MTMR3: variants seen among roughly 807,000 people sequenced by gnomAD.
MTMR3 encodes the protein myotubularin related protein 3, also known as phosphatidylinositol-3,5-bisphosphate 3-phosphatase MTMR3.
MTMR3 carries 32 observed loss-of-function variants against 132.4 expected under a neutral mutation model. That is an observed-to-expected ratio of 0.24 (90% CI 0.18 to 0.32). MTMR3 has a LOEUF of 0.32. Ranked by LOEUF, MTMR3 falls within the 10% of genes least tolerant of loss-of-function variation. The pLI is 1.00. For missense variants in MTMR3, 1,216 were observed against 1,489.6 expected (o/e 0.82, Z 3.02); for synonymous variants, 556 against 550.3 (o/e 1.01, Z -0.14).
intron 2 of MTMR3, among the ~76,000 whole-genome samples, chr22:29,968,931 C>A (rs1056094077): frequency 1.5e-4 from 23 of 152,174 alleles, no homozygotes; most frequent in Non-Finnish European, 1.5e-5. Context: ...TCTTCCTCAT[C>A]CTTCCAGCCT....
At chr22:29,889,909 T>TC (rs2064760883) in intron 1 of MTMR3, among the ~76,000 whole-genome samples, 2 of 145,450 alleles carry the variant, frequency 1.4e-5, no homozygotes, top group Admixed American at 1.4e-4. Flanking sequence ...GATAAATTCT[T>TC]TTTTTTTTTT....
At chr22:29,902,489 C>T (rs950875984) in intron 1 of MTMR3, among the ~76,000 whole-genome samples, 4 of 150,780 alleles carry the variant, frequency 2.7e-5, no homozygotes, top group Non-Finnish European at 5.9e-5. Flanking sequence ...GTCTCAGCCT[C>T]CTGAGTACCT....
intron 17 of MTMR3, 134 bp downstream of exon 17, chr22:30,021,018 A>G (rs949220482): frequency 2.2e-6 from 2 of 920,198 alleles, no homozygotes; most frequent in Non-Finnish European, 3.2e-6. Flanking sequence ...AGCCCTGTTA[A>G]GAGAGGCTGG....
intron 10 of MTMR3, 182 bp downstream of exon 10, chr22:30,007,501 C>T (rs1241896845): frequency 3.1e-6 from 2 of 653,638 alleles, no homozygotes; most frequent in Non-Finnish European, 5.2e-6. Context: ...CCCTTTGTTT[C>T]AAACCTGAAT....
intron 17 of MTMR3, 177 bp downstream of exon 17, chr22:30,021,061 C>T (rs1380097301): frequency 3.0e-6 from 2 of 662,228 alleles, no homozygotes; most frequent in African/African-American, 3.6e-5. Context: ...TGGCAGCCTG[C>T]CTGTTTTCTG....
intron 5 of MTMR3, chr22:29,983,959 T>G (rs926318870): frequency 2.0e-5 from 3 of 151,230 alleles, no homozygotes; most frequent in Non-Finnish European, 4.4e-5. Context: ...TTATTTTTAT[T>G]TTATTATATT....
chr22:29,985,752 A>T (rs948672098), intron 5 of MTMR3: 2 of 152,182 alleles, frequency 1.3e-5, no homozygotes, highest in Admixed American at 6.5e-5. Flanking sequence ...GGTGTCTGCA[A>T]TCTGATTTCA....
intron 19 of MTMR3, chr22:30,024,892 T>TG (rs1316696713): frequency 6.5e-6 from 1 of 152,764 alleles, no homozygotes; most frequent in African/African-American, 2.4e-5. Context: ...GAGGGATGCC[T>TG]GGGGCCTGAG....
At chr22:30,021,106 C>T (rs1232404225) in intron 17 of MTMR3, 8 of 574,904 alleles carry the variant, frequency 1.4e-5, no homozygotes, top group African/African-American at 5.6e-5. Context: ...CTGTTGAGGC[C>T]GTTGGAGAGG....
rs149742798 is a variant in MTMR3 at position 29,938,169 on chromosome 22, A to G, written c.-137-18867A>G. Among the ~76,000 whole-genome samples, 38 of 152,270 alleles carry G rather than the reference A, an allele frequency of 2.5e-4. No homozygotes were observed. In the East Asian group the frequency reaches 6.4e-3, roughly 25 times the overall value. On this transcript the variant is annotated intron_variant, in intron 1 of 19. Coordinates refer to ENST00000401950, the MANE Select transcript of MTMR3 (RefSeq NM_021090.4). ...GCACCATGCAGTTCCAGGAACACCC[A>G]TATTTGGTGTAGAAATGGGTGGCAC...
intron 1 of MTMR3, among the ~76,000 whole-genome samples, chr22:29,917,408 G>T (rs1028298252): frequency 1.3e-5 from 2 of 152,204 alleles, no homozygotes; most frequent in African/African-American, 4.8e-5. Flanking sequence ...GGCAGGCTGA[G>T]GTGGGAGTAT....
chr22:29,914,042 G>A (rs1302279656), intron 1 of MTMR3, among the ~76,000 whole-genome samples: 2 of 152,104 alleles, frequency 1.3e-5, no homozygotes, highest in East Asian at 3.9e-4. Flanking sequence ...GAGCCACCAC[G>A]CCCGGCCCAG....
chr22:29,959,660 T>C (rs774756893), intron 2 of MTMR3, among the ~76,000 whole-genome samples: 4 of 152,186 alleles, frequency 2.6e-5, no homozygotes, highest in Admixed American at 6.6e-5. Context: ...ATTACAGATG[T>C]GTGCCACTGT....
chr22:29,908,434 A>C (rs1477117871), intron 1 of MTMR3, among the ~76,000 whole-genome samples: 1 of 152,214 alleles, frequency 6.6e-6, no homozygotes. Context: ...TGCACACTTT[A>C]GGAGTAAAAA....
chr22:29,927,482 A>G (rs578105083), intron 1 of MTMR3, among the ~76,000 whole-genome samples: 2 of 152,270 alleles, frequency 1.3e-5, no homozygotes, highest in South Asian at 4.1e-4. Context: ...TGAACAAGAG[A>G]TGTTTCTGTT....
chr22:29,909,607 A>G (rs2065168059), intron 1 of MTMR3, among the ~76,000 whole-genome samples: 2 of 152,186 alleles, frequency 1.3e-5, no homozygotes, highest in Non-Finnish European at 2.9e-5. Flanking sequence ...AGCACTTAAA[A>G]GAGGGCTCTA....
chr22:29,937,930 CAGG>C (rs1198933989), intron 1 of MTMR3, among the ~76,000 whole-genome samples: 1 of 151,986 alleles, frequency 6.6e-6, no homozygotes, highest in Non-Finnish European at 1.5e-5. Context: ...AGGGTGGTCA[CAGG>C]AGAACAGAAA....
chr22:29,956,794 G>GCT (rs1162132359), intron 1 of MTMR3, among the ~76,000 whole-genome samples: 1 of 152,124 alleles, frequency 6.6e-6, no homozygotes, highest in Non-Finnish European at 1.5e-5. Context: ...GGTTTGAAAA[G>GCT]CTCTGTTCTC....
intron 8 of MTMR3, chr22:30,001,338 C>G (rs894603268): frequency 1.3e-5 from 2 of 152,464 alleles, no homozygotes; most frequent in Non-Finnish European, 2.9e-5. Context: ...TTGCAATGAA[C>G]CGAGATCATG....
Sources: allele counts gnomAD v4.1 joint callset (sites outside exome capture counted in the v4.1 genomes callset), GRCh38; gene constraint gnomAD v4.1.1; transcripts MANE v1.5; gene names NCBI Gene and HGNC (gene_info 2026-07-23, HGNC 2026-07-21).